Variants in FSTL5 observed in about 807,000 individuals in gnomAD.
FSTL5 encodes follistatin like 5, also known as follistatin-related protein 5.
In FSTL5, 62 loss-of-function variants were observed where a neutral mutation model predicts 89.1. The ratio of observed to expected loss-of-function variants is 0.70; its 90% CI spans 0.57 to 0.86. The LOEUF (loss-of-function observed/expected upper bound fraction) is 0.86. Ranked by LOEUF, FSTL5 falls within the 40% of genes least tolerant of loss-of-function variation. FSTL5 has a pLI of 0.00. For missense variants in FSTL5, 1,057 were observed against 1,001.6 expected (o/e 1.06, Z -0.75); for synonymous variants, 383 against 346.2 (o/e 1.11, Z -1.18).
chr4:161,877,948 C>G (rs1208809934), intron 4 of FSTL5, among the ~76,000 whole-genome samples: 1 of 151,042 alleles, frequency 6.6e-6, no homozygotes, highest in African/African-American at 2.4e-5. Context: ...GTAACTGCGC[C>G]CGGCACCAAT....
intron 6 of FSTL5, among the ~76,000 whole-genome samples, chr4:161,743,484 C>G (rs1334448413): frequency 6.6e-6 from 1 of 152,038 alleles, no homozygotes; most frequent in East Asian, 1.9e-4. Context: ...AGAATGACAT[C>G]CCCTCCATCT....
intron 3 of FSTL5, among the ~76,000 whole-genome samples, chr4:161,930,301 T>C (rs359490): frequency 0.49 from 73,525 of 151,524 alleles, 18,181 homozygotes; most frequent in African/African-American, 0.55. Flanking sequence ...TAAATCTAAA[T>C]AGAGTCAATG....
intron 4 of FSTL5, among the ~76,000 whole-genome samples, chr4:161,826,282 T>C (rs1168445734): frequency 1.3e-5 from 2 of 152,160 alleles, no homozygotes; most frequent in African/African-American, 4.8e-5. Flanking sequence ...TTGAGGCTTA[T>C]TTTGTGACCT....
At chr4:161,426,058 T>C (rs1323047829) in intron 15 of FSTL5, among the ~76,000 whole-genome samples, 1 of 152,130 alleles carries the variant, frequency 6.6e-6, no homozygotes, top group Non-Finnish European at 1.5e-5. Context: ...ATGAACATCT[T>C]CTAGTTAATA....
chr4:161,811,026 T>G (rs915580330), intron 4 of FSTL5, among the ~76,000 whole-genome samples: 1 of 152,136 alleles, frequency 6.6e-6, no homozygotes, highest in Non-Finnish European at 1.5e-5. Flanking sequence ...TTCTGAGAGA[T>G]CCCTCTGCTC....
At chr4:161,503,682 G>T (rs1048100170) in intron 11 of FSTL5, among the ~76,000 whole-genome samples, 22 of 151,810 alleles carry the variant, frequency 1.4e-4, no homozygotes, top group African/African-American at 5.1e-4. Flanking sequence ...TTACTCAAAA[G>T]GACTGGTTTT....
chr4:161,517,063 A>G (rs951144263), intron 10 of FSTL5, among the ~76,000 whole-genome samples: 1 of 151,776 alleles, frequency 6.6e-6, no homozygotes, highest in African/African-American at 2.4e-5. Flanking sequence ...TAATTTTTAT[A>G]TTTTTCATAG....
intron 4 of FSTL5, among the ~76,000 whole-genome samples, chr4:161,864,059 C>A (rs958525938): frequency 7.2e-5 from 11 of 152,146 alleles, no homozygotes; most frequent in African/African-American, 2.7e-4. Context: ...GTTTCTTCTG[C>A]GGACCTGTGG....
intron 13 of FSTL5, among the ~76,000 whole-genome samples, chr4:161,477,124 G>A (rs1192168726): frequency 3.4e-5 from 5 of 146,548 alleles, no homozygotes; most frequent in Non-Finnish European, 7.5e-5. Flanking sequence ...TAAACAAATC[G>A]TGCCCTAGTT....
chr4:161,563,252 T>G (rs1275926746), intron 8 of FSTL5, among the ~76,000 whole-genome samples: 2 of 152,056 alleles, frequency 1.3e-5, no homozygotes, highest in East Asian at 3.9e-4. Flanking sequence ...AATACTCTTA[T>G]GAATATGGGT....
chr4:162,062,458 T>C (rs1738751808), intron 2 of FSTL5, among the ~76,000 whole-genome samples: 1 of 151,874 alleles, frequency 6.6e-6, no homozygotes, highest in Non-Finnish European at 1.5e-5. Flanking sequence ...TCCTATCCAG[T>C]ACAGTACCGG....
chr4:161,980,281 GAAAGAA>G (rs1735787830), intron 3 of FSTL5, among the ~76,000 whole-genome samples: 1 of 148,112 alleles, frequency 6.8e-6, no homozygotes, highest in Admixed American at 6.7e-5. Context: ...AAGAAAGAAA[GAAAGAA>G]AGAGAAAGAA....
chr4:161,887,833 T>C (rs1373825582), intron 4 of FSTL5, among the ~76,000 whole-genome samples: 1 of 152,176 alleles, frequency 6.6e-6, no homozygotes. Flanking sequence ...CCTAATATAA[T>C]TCATTCATTT....
intron 3 of FSTL5, among the ~76,000 whole-genome samples, chr4:161,935,940 T>C (rs895568146): frequency 1.3e-5 from 2 of 152,174 alleles, no homozygotes; most frequent in Non-Finnish European, 1.5e-5. Context: ...CCCAGCACTT[T>C]AAGAGGCCAA....
chr4:161,984,145 T>C (rs1417841667), intron 3 of FSTL5, among the ~76,000 whole-genome samples: 1 of 152,102 alleles, frequency 6.6e-6, no homozygotes, highest in Non-Finnish European at 1.5e-5. Context: ...AAAGTGGCTT[T>C]AACTTTCATT....
At chr4:162,005,168 C>A (rs1736581611) in intron 3 of FSTL5, among the ~76,000 whole-genome samples, 1 of 152,094 alleles carries the variant, frequency 6.6e-6, no homozygotes, top group Non-Finnish European at 1.5e-5. Context: ...CTGTGTTGTT[C>A]TGTCTACCTA....
At chr4:161,592,796 G>A (rs1015715855) in intron 7 of FSTL5, among the ~76,000 whole-genome samples, 22 of 152,140 alleles carry the variant, frequency 1.4e-4, no homozygotes, top group African/African-American at 5.3e-4. Flanking sequence ...CCAGCAATGG[G>A]ATTGCTGGGT....
At chr4:161,865,235 G>A (rs898070821) in intron 4 of FSTL5, among the ~76,000 whole-genome samples, 1 of 152,026 alleles carries the variant, frequency 6.6e-6, no homozygotes, top group Non-Finnish European at 1.5e-5. Flanking sequence ...ATCAGAGACT[G>A]TCAAGAGATA....
intron 2 of FSTL5, among the ~76,000 whole-genome samples, chr4:162,041,624 T>C (rs1737963182): frequency 6.6e-6 from 1 of 152,114 alleles, no homozygotes; most frequent in Non-Finnish European, 1.5e-5. Context: ...ATATTCATAT[T>C]GTATTTGCTG....
Sources: allele counts gnomAD v4.1 joint callset (sites outside exome capture counted in the v4.1 genomes callset), GRCh38; gene constraint gnomAD v4.1.1; transcripts MANE v1.5; gene names NCBI Gene and HGNC (gene_info 2026-07-23, HGNC 2026-07-21).